Variants in ATP8A2 observed in about 807,000 individuals in gnomAD.
ATP8A2 encodes ATPase phospholipid transporting 8A2, also known as phospholipid-transporting ATPase IB.
Under a neutral mutation model 165.6 loss-of-function variants are expected in ATP8A2, and 100 were observed. That is an observed-to-expected ratio of 0.60 (90% CI 0.51 to 0.71). The LOEUF (loss-of-function observed/expected upper bound fraction) is 0.71, where lower values mean the gene tolerates loss of function less well. Among genes scored for constraint, ATP8A2 ranks in the 30% least tolerant of loss-of-function variants. ATP8A2 has a pLI of 0.00. For synonymous variants in ATP8A2, 543 were observed against 548.8 expected (o/e 0.99, Z 0.15); for missense variants, 1,227 against 1,479.5 (o/e 0.83, Z 2.80).
intron 18 of ATP8A2, among the ~76,000 whole-genome samples, chr13:25,574,233 C>T (rs1432572650): frequency 2.0e-5 from 3 of 152,224 alleles, no homozygotes; most frequent in African/African-American, 7.2e-5. Flanking sequence ...AGACCAGGTA[C>T]AGATTCACCA....
intron 24 of ATP8A2, among the ~76,000 whole-genome samples, chr13:25,639,928 T>C (rs888718596): frequency 2.6e-5 from 4 of 152,186 alleles, no homozygotes; most frequent in African/African-American, 9.7e-5. Context: ...GCAATCAAAC[T>C]GGAACTCAGG....
chr13:25,400,359 T>C (rs967135595), intron 1 of ATP8A2, among the ~76,000 whole-genome samples: 1 of 152,206 alleles, frequency 6.6e-6, no homozygotes, highest in African/African-American at 2.4e-5. Context: ...AATTTTCCAC[T>C]TCTTTGCTTT....
chr13:25,464,042 C>T (rs2035570637), intron 1 of ATP8A2, among the ~76,000 whole-genome samples: 1 of 152,188 alleles, frequency 6.6e-6, no homozygotes, highest in Admixed American at 6.5e-5. Context: ...GACAGGGGTG[C>T]TTATCTCATT....
chr13:25,821,334 G>A (rs2138569857), intron 27 of ATP8A2, among the ~76,000 whole-genome samples: 1 of 152,288 alleles, frequency 6.6e-6, no homozygotes, highest in South Asian at 2.1e-4. Context: ...GATTTCTTAA[G>A]ATTTTTACCC....
intron 2 of ATP8A2, among the ~76,000 whole-genome samples, chr13:25,528,605 C>T (rs187109420): frequency 4.6e-5 from 7 of 152,262 alleles, no homozygotes; most frequent in Non-Finnish European, 5.9e-5. Context: ...CTGAGCCCTT[C>T]GCCCTTCTAT....
chr13:25,468,879 C>T, intron 1 of ATP8A2, 98 bp from the exon 2 acceptor site: 2 of 1,554,012 alleles, frequency 1.3e-6, no homozygotes, highest in South Asian at 1.2e-5. Flanking sequence ...GCATCCTTCC[C>T]CGCCGGTGGC....
At chr13:25,745,956 T>C (rs904812644) in intron 25 of ATP8A2, among the ~76,000 whole-genome samples, 3 of 152,204 alleles carry the variant, frequency 2.0e-5, no homozygotes, top group African/African-American at 7.2e-5. Flanking sequence ...GCTGACTACA[T>C]CCTATCATGT....
chr13:25,842,926 C>A (rs9319244), intron 30 of ATP8A2, among the ~76,000 whole-genome samples: 2,675 of 152,238 alleles, frequency 0.018, 89 homozygotes, highest in African/African-American at 0.059. Flanking sequence ...AGAAAGAAAA[C>A]TACTGGCAGA....
rs143103641 is a variant in ATP8A2, at chr13:25,485,950, T to C, written c.221+16829T>C. Reference sequence around the variant, plus strand: ...CATTGCTCCTATACTCAACAAAAATTTAAATGAGGGTTGGAAAAGCTTTCA... The same window carrying C: ...CATTGCTCCTATACTCAACAAAAATCTAAATGAGGGTTGGAAAAGCTTTCA... On this transcript the variant is annotated intron_variant, in intron 2 of 36. Coordinates refer to ENST00000381655, the MANE Select transcript of ATP8A2 (RefSeq NM_016529.6). Among the ~76,000 whole-genome samples the C allele has an allele frequency of 2.2e-3, 331 of 152,186 alleles. 2 individuals are homozygous for C. Among genetic ancestry groups the C allele is most frequent in the African/African-American group, 7.4e-3 (309 of 41,512 alleles).
intron 24 of ATP8A2, among the ~76,000 whole-genome samples, chr13:25,680,635 A>G (rs1170542209): frequency 6.6e-6 from 1 of 152,228 alleles, no homozygotes; most frequent in East Asian, 1.9e-4. Flanking sequence ...ATGGAGAGAT[A>G]GAGTGAAGAA....
chr13:25,644,606 A>G (rs59504760), intron 24 of ATP8A2, among the ~76,000 whole-genome samples: 13,569 of 150,436 alleles, frequency 0.09, 664 homozygotes, highest in Non-Finnish European at 0.12. Context: ...ATTTTTTTTG[A>G]AGGCGTGTCT....
At chr13:25,875,795 A>G (rs1952806841) in intron 33 of ATP8A2, among the ~76,000 whole-genome samples, 1 of 152,226 alleles carries the variant, frequency 6.6e-6, no homozygotes, top group Non-Finnish European at 1.5e-5. Flanking sequence ...TACTTCATGG[A>G]AAATGTTTGT....
chr13:25,825,145 CTTTTTTTTTTTTTTTTT>C (rs60778003), intron 27 of ATP8A2, among the ~76,000 whole-genome samples: 2 of 27,472 alleles, frequency 7.3e-5, no homozygotes, highest in Non-Finnish European at 1.3e-4. Flanking sequence ...TATGTGTTTG[CTTTTTTTTTTTTTTTTT>C]TTTTTTTTTT....
At chr13:25,756,985 G>T (rs535600985) in intron 25 of ATP8A2, among the ~76,000 whole-genome samples, 2 of 152,118 alleles carry the variant, frequency 1.3e-5, no homozygotes, top group African/African-American at 4.8e-5. Context: ...AATCCTGCTC[G>T]CTCAGCGCAT....
At chr13:25,915,190 A>G (rs1170915592) in intron 33 of ATP8A2, among the ~76,000 whole-genome samples, 3 of 152,222 alleles carry the variant, frequency 2.0e-5, no homozygotes, top group Non-Finnish European at 4.4e-5. Context: ...TATAGAAATC[A>G]TAGAATTTGT....
chr13:25,524,751 G>A (rs927830626), intron 2 of ATP8A2, among the ~76,000 whole-genome samples: 2 of 151,968 alleles, frequency 1.3e-5, no homozygotes, highest in African/African-American at 4.8e-5. Context: ...GCATATAGCT[G>A]AGTCTTGTTT....
At chr13:25,684,832 C>T (rs2042568241) in intron 24 of ATP8A2, among the ~76,000 whole-genome samples, 1 of 152,146 alleles carries the variant, frequency 6.6e-6, no homozygotes, top group African/African-American at 2.4e-5. Flanking sequence ...CCACGTATTC[C>T]TGGTGTTTGT....
intron 25 of ATP8A2, among the ~76,000 whole-genome samples, chr13:25,767,432 T>C (rs1250471498): frequency 6.6e-6 from 1 of 152,236 alleles, no homozygotes; most frequent in Non-Finnish European, 1.5e-5. Flanking sequence ...TTTTAAGTTC[T>C]GAAGCATGCC....
At chr13:25,423,414 C>T (rs1266291487) in intron 1 of ATP8A2, among the ~76,000 whole-genome samples, 1 of 152,148 alleles carries the variant, frequency 6.6e-6, no homozygotes, top group African/African-American at 2.4e-5. Context: ...TTTTACAAAG[C>T]TTGCTGAGTG....
Sources: gnomAD v4.1 joint callset for allele counts (sites outside exome capture counted in the v4.1 genomes callset) on GRCh38, gnomAD v4.1.1 for gene constraint, MANE v1.5 for transcripts, NCBI Gene and HGNC (gene_info 2026-07-23, HGNC 2026-07-21) for gene names.